Variants in QKI observed in about 807,000 individuals in gnomAD.
The protein encoded by QKI is KH domain-containing RNA-binding protein QKI.
In QKI, 10 loss-of-function variants were observed where a neutral mutation model predicts 39.0. That is an observed-to-expected ratio of 0.26 (90% CI 0.16 to 0.43). The LOEUF (loss-of-function observed/expected upper bound fraction) is 0.43. Among genes scored for constraint, QKI ranks in the 20% least tolerant of loss-of-function variants. The probability of loss-of-function intolerance (pLI) is 1.00; values close to 1 mark genes in which losing one functional copy is unlikely to be tolerated. For missense variants in QKI, 218 were observed against 428.0 expected, an observed-to-expected ratio of 0.51 and a Z score of 4.33; for synonymous variants, 204 against 155.4, an observed-to-expected ratio of 1.31 and a Z score of -2.33.
intron 7 of QKI, chr6:163,567,003 A>T: frequency 7.6e-7 from 1 of 1,311,050 alleles, no homozygotes; most frequent in Non-Finnish European, 9.7e-7. Context: ...TAACTTATTA[A>T]ATCTTCTATT....
intron 2 of QKI, among the ~76,000 whole-genome samples, chr6:163,459,983 A>G (rs1175372485): frequency 6.6e-6 from 1 of 152,228 alleles, no homozygotes; most frequent in African/African-American, 2.4e-5. Flanking sequence ...AAAAAGTGTT[A>G]TATTTTGAAT....
intron 3 of QKI, among the ~76,000 whole-genome samples, chr6:163,510,760 T>C (rs529603654): frequency 5.3e-5 from 8 of 152,254 alleles, no homozygotes; most frequent in African/African-American, 1.7e-4. Flanking sequence ...GGAGGACATA[T>C]CAATCATAAG....
intron 3 of QKI, among the ~76,000 whole-genome samples, chr6:163,517,080 TTTCTCTCTC>T (rs1562505622): frequency 3.0e-4 from 41 of 137,484 alleles, no homozygotes; most frequent in African/African-American, 1.2e-3. Flanking sequence ...TCTCTCTCTC[TTTCTCTCTC>T]TCTCTCTCTC....
intron 4 of QKI, among the ~76,000 whole-genome samples, chr6:163,545,321 A>G (rs542758584): frequency 1.3e-5 from 2 of 152,234 alleles, no homozygotes; most frequent in East Asian, 3.9e-4. Flanking sequence ...CATTAGGACA[A>G]CAGGCACATT....
chr6:163,458,889 T>C (rs936127714), intron 2 of QKI, among the ~76,000 whole-genome samples: 2 of 152,234 alleles, frequency 1.3e-5, no homozygotes, highest in African/African-American at 2.4e-5. Context: ...AACTCTTTGA[T>C]ATAGTAAAGA....
intron 1 of QKI, among the ~76,000 whole-genome samples, chr6:163,442,167 A>C (rs1181188860): frequency 6.6e-6 from 1 of 150,908 alleles, no homozygotes; most frequent in Non-Finnish European, 1.5e-5. Flanking sequence ...TTATTAAAAC[A>C]GACATTTAAA....
chr6:163,445,599 G>C (rs963300147), intron 1 of QKI, among the ~76,000 whole-genome samples: 1 of 151,316 alleles, frequency 6.6e-6, no homozygotes, highest in African/African-American at 2.4e-5. Flanking sequence ...AGTGGATCAT[G>C]CTGTGGAGTA....
At chr6:163,452,387 G>A (rs77279953) in intron 1 of QKI, among the ~76,000 whole-genome samples, 4,238 of 152,140 alleles carry the variant, frequency 0.028, 193 homozygotes, top group African/African-American at 0.096. Context: ...ATATCTTAGA[G>A]ACTGAAAAAA....
intron 3 of QKI, among the ~76,000 whole-genome samples, chr6:163,489,157 G>GTTT (rs368383400): frequency 1.7e-5 from 2 of 119,432 alleles, no homozygotes; most frequent in African/African-American, 6.1e-5. Context: ...GCCTTTATTC[G>GTTT]TTTTTTTTTT....
chr6:163,508,279 A>T (rs1055015304), intron 3 of QKI, among the ~76,000 whole-genome samples: 4 of 152,160 alleles, frequency 2.6e-5, no homozygotes, highest in Non-Finnish European at 5.9e-5. Flanking sequence ...TGCAAATTCA[A>T]GATGCTTAAG....
At position 163,464,978 on chromosome 6, in the gene QKI, G is replaced by A. The variant is rs571732683; in HGVS notation, c.285+9557G>A. 1.4e-4 allele frequency among the ~76,000 whole-genome samples: 22 copies of A among 152,204 alleles called. 1 individual carries two copies. The highest frequency in any genetic ancestry group is 4.1e-4 in the African/African-American group (17 of 41,520). The stretch of plus-strand genomic sequence containing the variant: ...AATTGAATAGCACATTAAAAGGAGC[G>A]TACACCATGATCAAGTGAGATTTTT... On this transcript the variant is annotated intron_variant, in intron 2 of 7. Coordinates refer to ENST00000361752, the MANE Select transcript of QKI (RefSeq NM_006775.3).
rs77288645 is a variant in QKI, at chr6:163,533,816, G to T, written c.403-1166G>T. 3.0e-3 allele frequency among the ~76,000 whole-genome samples: 460 copies of T among 152,156 alleles called. 22 individuals carry two copies. In the East Asian group the frequency reaches 0.076, roughly 25 times the overall value. On this transcript the variant is annotated intron_variant, in intron 3 of 7. Coordinates refer to ENST00000361752, the MANE Select transcript of QKI (RefSeq NM_006775.3). ...TCCCTGTATCCCCTTACAATATGTG[G>T]ATGCATTTTCATCCTAAAGATGTGT... is the stretch of plus-strand genomic sequence containing the variant.
chr6:163,544,560 A>G (rs984349062), intron 4 of QKI, among the ~76,000 whole-genome samples: 2 of 152,056 alleles, frequency 1.3e-5, no homozygotes, highest in African/African-American at 2.4e-5. Context: ...CATCCTCAAG[A>G]TATCAGTAAT....
chr6:163,564,982 G>T (rs1207956578), intron 6 of QKI: 2 of 1,265,454 alleles, frequency 1.6e-6, no homozygotes, highest in African/African-American at 1.5e-5. Context: ...TCGAAAATTC[G>T]TTGTTCAAGT....
chr6:163,552,502 G>T (rs1782298148), intron 4 of QKI, among the ~76,000 whole-genome samples: 1 of 152,098 alleles, frequency 6.6e-6, no homozygotes, highest in East Asian at 1.9e-4. Context: ...GAGCCACCGT[G>T]CCCAGCCTCA....
intron 2 of QKI, among the ~76,000 whole-genome samples, chr6:163,462,795 T>C (rs1441933492): frequency 1.3e-5 from 2 of 152,142 alleles, no homozygotes; most frequent in Non-Finnish European, 2.9e-5. Context: ...ACAATCCTGG[T>C]ATGGAATAAT....
chr6:163,577,900 T>C lies in QKI; in HGVS notation c.*7190T>C, dbSNP rs1381614822. On this transcript the variant is annotated 3_prime_UTR_variant, in exon 8 of 8. Transcript: ENST00000361752. ...ATTTCCTTCCTAACGTAATTTTTAA[T>C]GATTACCCCTTTTATACAGTAATTT... The C allele has an allele frequency of 6.6e-6, 1 of 152,182 alleles. No individual in the cohort carries two copies. The highest frequency in any genetic ancestry group is 6.5e-5 in the Admixed American group (1 of 15,284). The allele number at this position is 152,182 out of a possible 1,614,324, so 9.4% of individuals were successfully genotyped here. A position where few individuals can be genotyped will look rare whatever the true frequency, so the allele number is the denominator to read the frequency against.
At chr6:163,457,478 CA>C in intron 2 of QKI, 1 of 455,892 alleles carries the variant, frequency 2.2e-6, no homozygotes, top group South Asian at 1.5e-5. Context: ...GTCCTTGGAC[CA>C]TAGTATCTAC....
intron 4 of QKI, among the ~76,000 whole-genome samples, chr6:163,552,375 A>AT (rs1218430679): frequency 4.6e-5 from 7 of 151,842 alleles, no homozygotes; most frequent in East Asian, 2.0e-4. Context: ...CGCCTGGCTA[A>AT]TTTTTTGTAT....
Sources: allele counts gnomAD v4.1 joint callset (sites outside exome capture counted in the v4.1 genomes callset), GRCh38; gene constraint gnomAD v4.1.1; transcripts MANE v1.5; gene names NCBI Gene and HGNC (gene_info 2026-07-23, HGNC 2026-07-21).